SPTLC3: variants seen among roughly 807,000 people sequenced by gnomAD.
SPTLC3 encodes the protein serine palmitoyltransferase 3.
A neutral mutation model predicts 59.3 loss-of-function variants in SPTLC3; 36 were observed. The ratio of observed to expected loss-of-function variants is 0.61; its 90% confidence interval spans 0.47 to 0.80. The LOEUF is 0.80. Among genes scored for constraint, SPTLC3 ranks in the 30% least tolerant of loss-of-function variants. The pLI is 0.00. For missense variants in SPTLC3, 625 were observed against 685.1 expected, an observed-to-expected ratio of 0.91 and a Z score of 0.98; for synonymous variants, 257 against 240.8, an observed-to-expected ratio of 1.07 and a Z score of -0.62.
chr20:13,145,245 G>A (rs2038482513), intron 9 of SPTLC3, among the ~76,000 whole-genome samples: 1 of 152,090 alleles, frequency 6.6e-6, no homozygotes, highest in Non-Finnish European at 1.5e-5. Context: ...AAACCCCATA[G>A]TACTGGCCCC....
intron 11 of SPTLC3, among the ~76,000 whole-genome samples, chr20:13,163,251 C>T (rs2038929010): frequency 6.6e-6 from 1 of 151,470 alleles, no homozygotes; most frequent in Non-Finnish European, 1.5e-5. Flanking sequence ...GCCTGTAATC[C>T]CAGCTACTCG....
intron 1 of SPTLC3, among the ~76,000 whole-genome samples, chr20:13,037,910 A>G (rs1028540082): frequency 1.4e-4 from 22 of 152,022 alleles, no homozygotes; most frequent in Non-Finnish European, 2.6e-4. Context: ...AGAGAGATGG[A>G]TGAGACATAC....
At chr20:13,093,125 T>G (rs1381606056) in intron 5 of SPTLC3, among the ~76,000 whole-genome samples, 1 of 152,190 alleles carries the variant, frequency 6.6e-6, no homozygotes, top group East Asian at 1.9e-4. Context: ...TAATCTCTCA[T>G]GGAAGTGCCC....
At chr20:13,107,144 G>A (rs1311172111) in intron 6 of SPTLC3, among the ~76,000 whole-genome samples, 2 of 152,172 alleles carry the variant, frequency 1.3e-5, no homozygotes, top group African/African-American at 4.8e-5. Flanking sequence ...CAGGGATACT[G>A]AGCATACAAA....
At chr20:13,160,700 T>C (rs139629748) in intron 11 of SPTLC3, among the ~76,000 whole-genome samples, 2 of 152,306 alleles carry the variant, frequency 1.3e-5, no homozygotes, top group East Asian at 3.9e-4. Context: ...TCACATAACA[T>C]AAATGCAGTT....
intron 1 of SPTLC3, among the ~76,000 whole-genome samples, chr20:13,022,571 C>T (rs1337919989): frequency 6.6e-6 from 1 of 152,146 alleles, no homozygotes; most frequent in Non-Finnish European, 1.5e-5. Flanking sequence ...AGACTGCCTC[C>T]TCAGTGTCAC....
chr20:13,048,876 C>T (rs778257597), intron 1 of SPTLC3, 69 bp from the exon 2 acceptor site: 1 of 1,356,196 alleles, frequency 7.4e-7, no homozygotes, highest in Non-Finnish European at 9.8e-7. Flanking sequence ...TGAAAGTTCA[C>T]AATTTTAGGT....
At chr20:13,014,860 T>C (rs1985445235) in intron 1 of SPTLC3, among the ~76,000 whole-genome samples, 1 of 151,800 alleles carries the variant, frequency 6.6e-6, no homozygotes, top group African/African-American at 2.4e-5. Context: ...TCAGCACTTG[T>C]AGACTTTCCA....
At chr20:13,139,313 T>C (rs1406876101) in intron 9 of SPTLC3, among the ~76,000 whole-genome samples, 1 of 152,224 alleles carries the variant, frequency 6.6e-6, no homozygotes, top group Admixed American at 6.5e-5. Context: ...TCCTTCTTTG[T>C]GGGGTTGGTA....
intron 9 of SPTLC3, among the ~76,000 whole-genome samples, chr20:13,148,156 T>C (rs191372143): frequency 6.6e-6 from 1 of 152,334 alleles, no homozygotes; most frequent in Admixed American, 6.5e-5. Context: ...GTCCTAAACA[T>C]ATTTTTGGAA....
chr20:13,158,416 T>C (rs1362697885), intron 10 of SPTLC3, among the ~76,000 whole-genome samples: 1 of 152,172 alleles, frequency 6.6e-6, no homozygotes, highest in Non-Finnish European at 1.5e-5. Context: ...TGCCCTGCAT[T>C]CTTTGGCAAA....
At chr20:13,148,028 A>G (rs74602924) in intron 9 of SPTLC3, among the ~76,000 whole-genome samples, 2,841 of 152,252 alleles carry the variant, frequency 0.019, 54 homozygotes, top group South Asian at 0.03. Flanking sequence ...GGGGAAATGC[A>G]TTCTCTTTTT....
chr20:13,093,716 C>T (rs1156327262), intron 6 of SPTLC3, 139 bp downstream of exon 6: 1 of 703,086 alleles, frequency 1.4e-6, no homozygotes, highest in Admixed American at 3.1e-5. Context: ...TCACTCCTGG[C>T]TTGTTAACCT....
At chr20:13,104,337 T>C (rs1234993169) in intron 6 of SPTLC3, among the ~76,000 whole-genome samples, 2 of 152,138 alleles carry the variant, frequency 1.3e-5, no homozygotes, top group Non-Finnish European at 2.9e-5. Context: ...ATGGGGGCGG[T>C]TCCCCCTATA....
intron 2 of SPTLC3, among the ~76,000 whole-genome samples, chr20:13,059,572 C>T (rs1159257867): frequency 6.6e-6 from 1 of 152,196 alleles, no homozygotes; most frequent in Non-Finnish European, 1.5e-5. Context: ...CTTAGCCCAT[C>T]TGTGCTTTAT....
intron 2 of SPTLC3, among the ~76,000 whole-genome samples, chr20:13,063,964 T>A (rs567465427): frequency 4.6e-5 from 7 of 152,200 alleles, no homozygotes; most frequent in South Asian, 2.1e-4. Flanking sequence ...TCAATTTTTT[T>A]AAAGATATTT....
chr20:13,099,339 C>T lies in SPTLC3; in HGVS notation c.826+5762C>T, dbSNP rs1179146069. On this transcript the variant is annotated intron_variant, in intron 6 of 11. Transcript: ENST00000399002. ...TGGATTCTCCCCTAGAGCTTCCAGA[C>T]AGAAATACAGCCCTGCCAATATCTT... 2.6e-5 allele frequency among the ~76,000 whole-genome samples: 4 copies of T among 152,158 alleles called. No homozygotes were observed. In the East Asian group the frequency reaches 7.7e-4, roughly 29 times the overall value.
At chr20:13,152,093 G>T (rs1382037175) in intron 9 of SPTLC3, among the ~76,000 whole-genome samples, 2 of 152,174 alleles carry the variant, frequency 1.3e-5, no homozygotes, top group African/African-American at 4.8e-5. Context: ...GAGCATTATA[G>T]TGGAGGGGCT....
At chr20:13,122,136 G>A (rs755598208) in intron 8 of SPTLC3, among the ~76,000 whole-genome samples, 8 of 152,128 alleles carry the variant, frequency 5.3e-5, no homozygotes, top group East Asian at 1.9e-4. Flanking sequence ...TCTAAAACCC[G>A]TCTGTTTTCC....
Sources: gnomAD v4.1 joint callset for allele counts (sites outside exome capture counted in the v4.1 genomes callset) on GRCh38, gnomAD v4.1.1 for gene constraint, MANE v1.5 for transcripts, NCBI Gene and HGNC (gene_info 2026-07-23, HGNC 2026-07-21) for gene names.